Variants in BCHE observed in about 807,000 individuals in gnomAD.
BCHE encodes cholinesterase.
In BCHE, 48 loss-of-function variants were observed where a neutral mutation model predicts 51.3. That is an observed-to-expected ratio of 0.94 (90% CI 0.74 to 1.19). The LOEUF is 1.19. Among genes scored for constraint, BCHE ranks in the 50% most tolerant of loss-of-function variants. The pLI, the probability that BCHE is intolerant of heterozygous loss-of-function variation, is 0.00. For synonymous variants in BCHE, 251 were observed against 238.0 expected (o/e 1.05, Z -0.50); for missense variants, 847 against 708.2 (o/e 1.20, Z -2.23).
At chr3:165,781,276 T>C (rs1712687292) in intron 3 of BCHE, among the ~76,000 whole-genome samples, 1 of 151,868 alleles carries the variant, frequency 6.6e-6, no homozygotes, top group African/African-American at 2.4e-5. Context: ...ATAAAGCCCA[T>C]GCACATGTAT....
chr3:165,820,178 G>A (rs1420301976), intron 2 of BCHE, among the ~76,000 whole-genome samples: 6 of 134,846 alleles, frequency 4.4e-5, no homozygotes, highest in African/African-American at 1.3e-4. Flanking sequence ...CAGTTTTATA[G>A]CTCTCTTTGT....
At chr3:165,825,242 G>A (rs1294307562) in intron 2 of BCHE, among the ~76,000 whole-genome samples, 2 of 152,186 alleles carry the variant, frequency 1.3e-5, no homozygotes, top group East Asian at 3.9e-4. Context: ...AAGTAAAGAA[G>A]TGTCTTTTCT....
Position 165,837,397 on chromosome 3 carries a change from G to T in BCHE, c.-92C>A, listed in dbSNP as rs1295811327. The T allele has an allele frequency of 7.8e-7, 1 of 1,289,772 alleles. No individual in the cohort carries two copies. The highest frequency in any genetic ancestry group is 1.0e-6 in the Non-Finnish European group (1 of 988,830). 79.9% of individuals were successfully genotyped at this position (1,289,772 alleles called of 1,614,324 possible). A position where few individuals can be genotyped will look rare whatever the true frequency, so the allele number is the denominator to read the frequency against. ...CGGGGAAATGCAGGATGCAGCTGCTGCTCCAGCCTGTAAATTGGACTGCAC... is the reference window on the plus strand; with the variant it reads ...CGGGGAAATGCAGGATGCAGCTGCTTCTCCAGCCTGTAAATTGGACTGCAC... On this transcript the variant is annotated 5_prime_UTR_variant, in exon 1 of 4. Coordinates refer to ENST00000264381, the MANE Select transcript of BCHE (RefSeq NM_000055.4).
At chr3:165,832,634 C>T (rs1373566349) in intron 1 of BCHE, among the ~76,000 whole-genome samples, 1 of 152,106 alleles carries the variant, frequency 6.6e-6, no homozygotes, top group Admixed American at 6.6e-5. Flanking sequence ...TAGTCAATTA[C>T]AAATACTGAT....
intron 1 of BCHE, among the ~76,000 whole-genome samples, chr3:165,834,247 G>T (rs1384033544): frequency 6.6e-6 from 1 of 151,870 alleles, no homozygotes; most frequent in African/African-American, 2.4e-5. Flanking sequence ...TTTATTATAT[G>T]TTGATATTTA....
chr3:165,780,774 A>C (rs753921431), intron 3 of BCHE, among the ~76,000 whole-genome samples: 5 of 152,210 alleles, frequency 3.3e-5, no homozygotes, highest in Admixed American at 2.6e-4. Context: ...GATGCTGGTG[A>C]GGCTGTGGAG....
chr3:165,818,768 G>A (rs774477094), intron 2 of BCHE, among the ~76,000 whole-genome samples: 1 of 151,930 alleles, frequency 6.6e-6, no homozygotes, highest in Non-Finnish European at 1.5e-5. Context: ...CTTATCTATA[G>A]GTATACCCAG....
chr3:165,798,305 C>T (rs555913030), intron 2 of BCHE, among the ~76,000 whole-genome samples: 4 of 152,100 alleles, frequency 2.6e-5, no homozygotes, highest in Admixed American at 1.3e-4. Context: ...ATTTTCTCTT[C>T]TAAACAACTG....
chr3:165,829,660 C>A lies in BCHE; in HGVS notation c.1374G>T (p.Trp458Cys), dbSNP rs1258164505. Residue 458 changes from tryptophan to cysteine, a missense_variant, in exon 2 of 4, where the codon TGG (tryptophan) becomes TGT (cysteine). Coordinates refer to ENST00000264381, the MANE Select transcript of BCHE (RefSeq NM_000055.4). Reference sequence around the variant, plus strand: ...CATGCATCACTCCCATCCATTCTGGCCACGGAAGTTTGGAGGATCGGTGTT... The same window carrying A: ...CATGCATCACTCCCATCCATTCTGGACACGGAAGTTTGGAGGATCGGTGTT... ...YFEHRSSKLP[W>C]PEWMGVMHGY... 2 of 1,613,710 alleles carry A rather than the reference C, an allele frequency of 1.2e-6. No homozygotes were observed. Among genetic ancestry groups the A allele is most frequent in the African/African-American group, 2.7e-5 (2 of 74,888 alleles).
At chr3:165,797,754 G>A (rs1713473284) in intron 2 of BCHE, among the ~76,000 whole-genome samples, 1 of 152,042 alleles carries the variant, frequency 6.6e-6, no homozygotes, top group Non-Finnish European at 1.5e-5. Flanking sequence ...AAAATTGATG[G>A]CAGCAAGCCC....
At chr3:165,785,059 A>G (rs185224107) in intron 3 of BCHE, among the ~76,000 whole-genome samples, 54 of 151,852 alleles carry the variant, frequency 3.6e-4, no homozygotes, top group Middle Eastern at 6.8e-3. Flanking sequence ...ACATTTCCCA[A>G]GCAGATGGAG....
chr3:165,815,799 C>T (rs745508992), intron 2 of BCHE, among the ~76,000 whole-genome samples: 4 of 151,896 alleles, frequency 2.6e-5, no homozygotes, highest in Non-Finnish European at 4.4e-5. Flanking sequence ...TTACATAATA[C>T]TTCTATGAAT....
chr3:165,830,277 C>A lies in BCHE; in HGVS notation c.757G>T (p.Gly253Ter), dbSNP rs140080572. 5.6e-6 allele frequency: 9 copies of A among 1,613,868 alleles called. No individual in the cohort carries two copies. The highest frequency in any genetic ancestry group is 6.8e-6 in the Non-Finnish European group (8 of 1,179,946). The change falls in exon 2 of 4, where the codon GGA (glycine) becomes TGA (stop). Residue 253 changes from glycine to a stop codon, truncating the protein, a stop_gained. Transcript: ENST00000264381. LOFTEE classifies it high-confidence loss of function. ...SLFTRAILQS[G>*]SFNAPWAVTS... ...ACCGCCCAAGGAGCATTAAAGGATCCACTTTGCAGAATGGCTCTGGTGAAC... is the reference window on the plus strand; with the variant it reads ...ACCGCCCAAGGAGCATTAAAGGATCAACTTTGCAGAATGGCTCTGGTGAAC...
intron 2 of BCHE, among the ~76,000 whole-genome samples, chr3:165,819,698 A>G (rs1714442477): frequency 1.3e-5 from 2 of 151,190 alleles, no homozygotes. Context: ...GTAGTTTTAA[A>G]AATATTTTAG....
At chr3:165,806,318 A>G (rs1713861790) in intron 2 of BCHE, among the ~76,000 whole-genome samples, 1 of 151,976 alleles carries the variant, frequency 6.6e-6, no homozygotes, top group Non-Finnish European at 1.5e-5. Context: ...CTTACCCCAA[A>G]ACTTTTTATT....
rs1714867433 is a variant in BCHE at position 165,829,612 on chromosome 3, A to G, written c.1422T>C (p.Phe474=). ...TATCTCTTCTTTCCAGAGGTAAACC[A>G]AAGACAAATTCAATTTCATAGCCAT... ...VMHGYEIEFV[F]GLPLERRDNY... is the part of the protein sequence containing the mutation. Residue 474 remains phenylalanine, a synonymous_variant, in exon 2 of 4, where the codon TTT becomes TTC. Transcript: ENST00000264381. 6.2e-7 allele frequency: 1 copy of G among 1,613,712 alleles called. No individual in the cohort carries two copies. Among genetic ancestry groups the G allele is most frequent in the South Asian group, 1.1e-5 (1 of 91,086 alleles).
chr3:165,821,458 G>A (rs796813483), intron 2 of BCHE, among the ~76,000 whole-genome samples: 27 of 150,160 alleles, frequency 1.8e-4, no homozygotes, highest in African/African-American at 6.4e-4. Flanking sequence ...GAGAGAGAGC[G>A]CACCAAGAAA....
At chr3:165,788,683 G>T (rs1420599811) in intron 2 of BCHE, among the ~76,000 whole-genome samples, 1 of 151,964 alleles carries the variant, frequency 6.6e-6, no homozygotes, top group African/African-American at 2.4e-5. Flanking sequence ...TTTTAACTGC[G>T]CATTCATTTC....
At chr3:165,818,663 A>G (rs1714395412) in intron 2 of BCHE, among the ~76,000 whole-genome samples, 1 of 152,130 alleles carries the variant, frequency 6.6e-6, no homozygotes, top group Non-Finnish European at 1.5e-5. Flanking sequence ...TAGTAAATGG[A>G]AACTACCAAC....
Sources: allele counts gnomAD v4.1 joint callset (sites outside exome capture counted in the v4.1 genomes callset), GRCh38; gene constraint gnomAD v4.1.1; transcripts MANE v1.5; gene names NCBI Gene and HGNC (gene_info 2026-07-23, HGNC 2026-07-21).